NOL4L: variants seen among roughly 807,000 people sequenced by gnomAD.
NOL4L encodes the protein nucleolar protein 4 like, also known as nucleolar protein 4-like.
NOL4L carries 7 observed loss-of-function variants against 64.5 expected under a neutral mutation model. The ratio of observed to expected loss-of-function variants is 0.11; its 90% CI spans 0.06 to 0.20. The LOEUF (loss-of-function observed/expected upper bound fraction) is 0.20. NOL4L is among the 10% of genes least tolerant of loss of function. NOL4L has a pLI of 1.00. For synonymous variants in NOL4L, 413 were observed against 401.0 expected, an observed-to-expected ratio of 1.03 and a Z score of -0.36; for missense variants, 680 against 967.1, an observed-to-expected ratio of 0.70 and a Z score of 3.94.
chr20:32,525,506 A>T (rs1400397333), intron 2 of NOL4L, among the ~76,000 whole-genome samples: 1 of 152,208 alleles, frequency 6.6e-6, no homozygotes, highest in Non-Finnish European at 1.5e-5. Flanking sequence ...TGGAGGTAAC[A>T]ACAGCACCTG....
intron 1 of NOL4L, among the ~76,000 whole-genome samples, chr20:32,569,664 G>A (rs1482011169): frequency 6.6e-6 from 1 of 152,118 alleles, no homozygotes; most frequent in Non-Finnish European, 1.5e-5. Flanking sequence ...CCAGGACAGG[G>A]GCTGGCTTCC....
chr20:32,461,421 CT>C (rs869282447), intron 5 of NOL4L, among the ~76,000 whole-genome samples: 69 of 58,350 alleles, frequency 1.2e-3, no homozygotes, highest in African/African-American at 1.5e-3. Context: ...CCTTTCTTTT[CT>C]TTTTTTTTTT....
chr20:32,467,501 T>A (rs2014655235), intron 5 of NOL4L, among the ~76,000 whole-genome samples: 1 of 152,104 alleles, frequency 6.6e-6, no homozygotes, highest in African/African-American at 2.4e-5. Context: ...TGAGGGTGGC[T>A]GTGAGGTAAG....
chr20:32,516,525 CGGAATG>C (rs1037492170), intron 3 of NOL4L, among the ~76,000 whole-genome samples: 1 of 152,152 alleles, frequency 6.6e-6, no homozygotes. Context: ...TAGAGAGAAT[CGGAATG>C]GGACTCACGA....
intron 1 of NOL4L, among the ~76,000 whole-genome samples, chr20:32,573,039 CTTTTT>C (rs3078261): frequency 4.9e-5 from 7 of 142,198 alleles, no homozygotes; most frequent in Non-Finnish European, 9.2e-5. Flanking sequence ...GCATCCTTTT[CTTTTT>C]TTTTTTTTTT....
chr20:32,489,051 TTTG>T (rs930165038), intron 4 of NOL4L, among the ~76,000 whole-genome samples: 19 of 149,798 alleles, frequency 1.3e-4, no homozygotes, highest in Non-Finnish European at 2.5e-4. Flanking sequence ...ATGTTTTCCT[TTTG>T]TTGTCTTTTT....
At position 32,447,246 on chromosome 20, in the gene NOL4L, G is replaced by GT; in HGVS notation, c.*349dup. 2 of 519,978 alleles carry GT rather than the reference G, an allele frequency of 3.8e-6. No homozygotes were observed. Among genetic ancestry groups the GT allele is most frequent in the South Asian group, 3.1e-5 (2 of 65,140 alleles). 32.2% of individuals were successfully genotyped at this position (519,978 alleles called of 1,614,324 possible). ...ATTCTGCTCACCTAAGACTTGAAAG[G>GT]TAATTATCTGGGGGTGGGATTCTAA... On this transcript the variant is annotated 3_prime_UTR_variant, in exon 11 of 11. Coordinates refer to ENST00000621426, the MANE Select transcript of NOL4L (RefSeq NM_001256798.2).
rs528513616 is a variant in NOL4L at position 32,463,827 on chromosome 20, C to T, written c.842-7432G>A. On this transcript the variant is annotated intron_variant, in intron 5 of 10. Coordinates refer to ENST00000621426, the MANE Select transcript of NOL4L (RefSeq NM_001256798.2). The surrounding 1 kb of genome is among the most constrained non-coding windows in gnomAD (Gnocchi z 5.8). ...GCCCACAGCCAGTGGCACCCTCTCC[C>T]GGTGGGCGACTCCCACCAGCTCCCA... Among the ~76,000 whole-genome samples the T allele has an allele frequency of 5.9e-5, 9 of 152,312 alleles. No individual in the cohort carries two copies. Among genetic ancestry groups the T allele is most frequent in the Non-Finnish European group, 8.8e-5 (6 of 68,016 alleles).
intron 1 of NOL4L, among the ~76,000 whole-genome samples, chr20:32,552,023 CA>C (rs1457177084): frequency 1.3e-5 from 2 of 152,112 alleles, no homozygotes; most frequent in African/African-American, 4.8e-5. Flanking sequence ...CTCCTGGGCT[CA>C]AGTGATCCTC....
intron 1 of NOL4L, among the ~76,000 whole-genome samples, chr20:32,554,597 G>A (rs1978534486): frequency 6.6e-6 from 1 of 152,038 alleles, no homozygotes; most frequent in Non-Finnish European, 1.5e-5. Flanking sequence ...TCCACCCCTG[G>A]TCCTGTATCA....
intron 4 of NOL4L, among the ~76,000 whole-genome samples, chr20:32,481,973 G>T (rs960693300): frequency 4.0e-5 from 6 of 150,038 alleles, no homozygotes; most frequent in African/African-American, 7.3e-5. Context: ...GCGGGGGGGG[G>T]GGAGCAGGCT....
chr20:32,511,483 C>A, intron 3 of NOL4L, 27 bp from the exon 4 acceptor site: 1 of 1,492,586 alleles, frequency 6.7e-7, no homozygotes, highest in Non-Finnish European at 9.1e-7. Flanking sequence ...AAGGAAAGCC[C>A]TTTCAGTCTG....
At chr20:32,551,569 G>A (rs957779592) in intron 1 of NOL4L, among the ~76,000 whole-genome samples, 11 of 152,006 alleles carry the variant, frequency 7.2e-5, no homozygotes, top group African/African-American at 1.9e-4. Context: ...AAAAGACCAC[G>A]TATTGTATGA....
chr20:32,517,811 C>G (rs1188091362), intron 3 of NOL4L, among the ~76,000 whole-genome samples: 1 of 152,222 alleles, frequency 6.6e-6, no homozygotes, highest in Non-Finnish European at 1.5e-5. Flanking sequence ...AGGTGCCCTC[C>G]ACAATAGGCT....
chr20:32,517,562 T>C (rs1600811641), intron 3 of NOL4L, among the ~76,000 whole-genome samples: 1 of 152,140 alleles, frequency 6.6e-6, no homozygotes, highest in East Asian at 1.9e-4. Flanking sequence ...GACTCAAAAC[T>C]CTCCACTGGC....
chr20:32,483,555 GAGCAGCGGCGGC>G, intron 4 of NOL4L: 1 of 975,106 alleles, frequency 1.0e-6, no homozygotes. Flanking sequence ...GGGCCCAGGC[GAGCAGCGGCGGC>G]AGCGGCGGCG....
intron 4 of NOL4L, among the ~76,000 whole-genome samples, chr20:32,485,092 TA>T (rs202230489): frequency 3.4e-4 from 17 of 49,980 alleles, no homozygotes; most frequent in African/African-American, 1.2e-3. Context: ...AAAAAACAAC[TA>T]AAAAAAAACC....
intron 4 of NOL4L, chr20:32,511,098 C>A (rs981524971): frequency 5.4e-6 from 2 of 368,282 alleles, no homozygotes; most frequent in Admixed American, 4.1e-5. Context: ...CCCCTCCTCC[C>A]ACGAGCCCAC....
intron 4 of NOL4L, chr20:32,483,379 C>G: frequency 1.0e-6 from 1 of 984,814 alleles, no homozygotes; most frequent in Non-Finnish European, 1.2e-6. Flanking sequence ...GGAAGCGAGG[C>G]GGAGATGGGC....
Sources: allele counts gnomAD v4.1 joint callset (sites outside exome capture counted in the v4.1 genomes callset), GRCh38; gene constraint gnomAD v4.1.1; non-coding constraint Gnocchi (gnomAD v3.1); transcripts MANE v1.5; gene names NCBI Gene and HGNC (gene_info 2026-07-23, HGNC 2026-07-21).